The following DYNC2H1 variants were observed in gnomAD, a reference collection of about 807,000 sequenced individuals.
DYNC2H1 encodes cytoplasmic dynein 2 heavy chain 1.
DYNC2H1 carries 410 observed loss-of-function variants against 570.0 expected under a neutral mutation model. The observed-to-expected ratio is 0.72, with a 90% CI of 0.66 to 0.78. DYNC2H1 has a LOEUF of 0.78. DYNC2H1 is among the 30% of genes least tolerant of loss of function. The pLI is 0.00. For synonymous variants in DYNC2H1, 1,688 were observed against 1,677.6 expected, an observed-to-expected ratio of 1.01 and a Z score of -0.15; for missense variants, 4,865 against 5,046.4, an observed-to-expected ratio of 0.96 and a Z score of 1.09.
chr11:103,255,688 G>A (rs1319083209), intron 67 of DYNC2H1, among the ~76,000 whole-genome samples, 154 bp downstream of exon 67: 1 of 151,756 alleles, frequency 6.6e-6, no homozygotes, highest in East Asian at 1.9e-4. Context: ...ACAAGAAGGG[G>A]AGCTATGTTT....
Position 103,321,024 on chromosome 11 carries a change from T to C in DYNC2H1, c.11726-5T>C. 2.5e-6 allele frequency: 4 copies of C among 1,591,930 alleles called. No homozygotes were observed. Among genetic ancestry groups the C allele is most frequent in the Non-Finnish European group, 3.4e-6 (4 of 1,170,408 alleles). On this transcript the variant is annotated splice_region_variant and splice_polypyrimidine_tract_variant and intron_variant, in intron 80 of 88. Coordinates refer to ENST00000375735, the MANE Select transcript of DYNC2H1 (RefSeq NM_001377.3). ...AAATTAATGAGTGTTTTTTTAAAAT[T>C]ATAGGTGCCAAAGATGTACAATGGG...
intron 40 of DYNC2H1, among the ~76,000 whole-genome samples, chr11:103,182,413 G>A (rs902384857): frequency 2.0e-5 from 3 of 151,646 alleles, no homozygotes; most frequent in East Asian, 3.9e-4. Flanking sequence ...TAATGAAAAC[G>A]TGTTTATATT....
rs1021798663 is a variant in DYNC2H1 at position 103,465,665 on chromosome 11, A to G, written c.12649-2924A>G. ...AGGTCCATGCTGGCCTCATTCATAT[A>G]TATGGCAACTGGTGCTAGCTCAGTC... On this transcript the variant is annotated intron_variant, in intron 87 of 88. Transcript: ENST00000375735. The surrounding 1 kb of genome is among the most constrained non-coding windows in gnomAD (Gnocchi z 4.9). Among the ~76,000 whole-genome samples, 1 of 152,154 alleles carries G rather than the reference A, an allele frequency of 6.6e-6. No homozygotes were observed. Among genetic ancestry groups the G allele is most frequent in the Admixed American group, 6.5e-5 (1 of 15,276 alleles).
chr11:103,388,961 C>A (rs372196570), intron 83 of DYNC2H1, among the ~76,000 whole-genome samples: 1 of 152,064 alleles, frequency 6.6e-6, no homozygotes, highest in Non-Finnish European at 1.5e-5. Context: ...GTCTAAAATT[C>A]CCTTTTTTTG....
intron 75 of DYNC2H1, among the ~76,000 whole-genome samples, chr11:103,297,332 A>G (rs1002178548): frequency 6.6e-6 from 1 of 152,180 alleles, no homozygotes; most frequent in Non-Finnish European, 1.5e-5. Context: ...TTGTTTAACA[A>G]AAGTACAGTC....
At position 103,461,477 on chromosome 11, in the gene DYNC2H1, G is replaced by C. The variant is rs1354690346; in HGVS notation, c.12648+5121G>C. 6.6e-6 allele frequency among the ~76,000 whole-genome samples: 1 copy of C among 152,024 alleles called. No homozygotes were observed. Among genetic ancestry groups the C allele is most frequent in the Non-Finnish European group, 1.5e-5 (1 of 67,984 alleles). ...TCCTGCCATTATTGATCTATTATGTGTTAAATAGTACTTGAAAACTTGATA... is the reference window on the plus strand; with the variant it reads ...TCCTGCCATTATTGATCTATTATGTCTTAAATAGTACTTGAAAACTTGATA... On this transcript the variant is annotated intron_variant, in intron 87 of 88. Transcript: ENST00000375735. The surrounding 1 kb of genome is among the most constrained non-coding windows in gnomAD (Gnocchi z 4.8).
At chr11:103,216,295 AT>A (rs1863380582) in intron 55 of DYNC2H1, among the ~76,000 whole-genome samples, 1 of 152,056 alleles carries the variant, frequency 6.6e-6, no homozygotes, top group South Asian at 2.1e-4. Flanking sequence ...TTGATTATAC[AT>A]TTTTTGAGTG....
chr11:103,259,651 T>C (rs949901904), intron 69 of DYNC2H1, among the ~76,000 whole-genome samples: 1 of 152,176 alleles, frequency 6.6e-6, no homozygotes, highest in African/African-American at 2.4e-5. Context: ...TATTGTATTA[T>C]TGGGAATTGA....
chr11:103,412,025 G>A (rs1591709382), intron 84 of DYNC2H1, among the ~76,000 whole-genome samples: 1 of 152,126 alleles, frequency 6.6e-6, no homozygotes, highest in African/African-American at 2.4e-5. Context: ...AAATGCAAAT[G>A]AGACTAGTCT....
In DYNC2H1 at chr11:103,133,297, T is replaced by G. The variant is rs1283871034; in HGVS notation, c.1954-258T>G. Among the ~76,000 whole-genome samples the G allele has an allele frequency of 6.6e-6, 1 of 152,114 alleles. No homozygotes were observed. Among genetic ancestry groups the G allele is most frequent in the Non-Finnish European group, 1.5e-5 (1 of 68,010 alleles). Reference sequence around the variant, plus strand: ...CAGGTTTCTAGGCTGTCTGCCTTCTTCATTCTTCCTTTCCGTCACCTTATG... The same window carrying G: ...CAGGTTTCTAGGCTGTCTGCCTTCTGCATTCTTCCTTTCCGTCACCTTATG... On this transcript the variant is annotated intron_variant, in intron 13 of 88. Coordinates refer to ENST00000375735, the MANE Select transcript of DYNC2H1 (RefSeq NM_001377.3). The surrounding 1 kb of genome is among the most constrained non-coding windows in gnomAD (Gnocchi z 4.8).
At chr11:103,146,042 G>A (rs1478745579) in intron 18 of DYNC2H1, among the ~76,000 whole-genome samples, 3 of 152,070 alleles carry the variant, frequency 2.0e-5, no homozygotes, top group Non-Finnish European at 2.9e-5. Context: ...GAGTCTTTAC[G>A]TGTCAGGATT....
intron 85 of DYNC2H1, among the ~76,000 whole-genome samples, chr11:103,445,649 G>C (rs1458956818): frequency 1.3e-5 from 2 of 152,054 alleles, no homozygotes; most frequent in African/African-American, 4.8e-5. Context: ...TGATTTCAAA[G>C]TTTTGTTGTT....
Position 103,199,198 on chromosome 11 carries a change from A to G in DYNC2H1, c.7840-30A>G. The G allele has an allele frequency of 2.1e-6, 3 of 1,398,100 alleles. No homozygotes were observed. The highest frequency in any genetic ancestry group is 3.0e-5 in the South Asian group (2 of 66,038). The allele number at this position is 1,398,100 out of a possible 1,614,324, so 86.6% of individuals were successfully genotyped here. A position where few individuals can be genotyped will look rare whatever the true frequency, so the allele number is the denominator to read the frequency against. On this transcript the variant is annotated intron_variant, in intron 48 of 88. Transcript: ENST00000375735. This position sits in a 1 kb window ranked among gnomAD's most constrained non-coding sequence, Gnocchi z 4.6. ...TTATTATGTAATTAGGGCTTATATT[A>G]ATTATAAAATATTCTGATTTTTTTA...
In DYNC2H1 at chr11:103,119,675, A is replaced by C. The variant is rs191407378; in HGVS notation, c.1000-772A>C. Among the ~76,000 whole-genome samples the C allele has an allele frequency of 2.2e-3, 342 of 152,214 alleles. 1 individual carries two copies. The highest frequency in any genetic ancestry group is 7.8e-3 in the African/African-American group (325 of 41,554). On this transcript the variant is annotated intron_variant, in intron 6 of 88. Coordinates refer to ENST00000375735, the MANE Select transcript of DYNC2H1 (RefSeq NM_001377.3). ...TTTCTTTGATAGCTTTCAAGCCCCC[A>C]AAAATGTTCCAGCCCAGCCCATGTT...
chr11:103,399,784 C>G lies in DYNC2H1; in HGVS notation c.12278C>G (p.Ser4093Cys). ...CGTTTAGTACAAAGTGTCCACCAGT[C>G]TCTTGCTGCTCTCAGCAAAGTCATC... Reference protein sequence around the residue: ...AIRLVQSVHQSLAALSKVIRG... With the variant: ...AIRLVQSVHQCLAALSKVIRG... Residue 4093 changes from serine (S) to cysteine (C), a missense_variant, in exon 84 of 89, where the codon TCT (serine) becomes TGT (cysteine). Around this residue, in one of 5 missense-constraint regions of DYNC2H1, gnomAD observed 2,401 missense variants for 2,454.6 expected, o/e 0.98. Coordinates refer to ENST00000375735, the MANE Select transcript of DYNC2H1 (RefSeq NM_001377.3). 6.2e-7 allele frequency: 1 copy of G among 1,613,946 alleles called. No homozygotes were observed. The highest frequency in any genetic ancestry group is 8.5e-7 in the Non-Finnish European group (1 of 1,179,866).
intron 88 of DYNC2H1, among the ~76,000 whole-genome samples, chr11:103,476,931 C>T (rs149069529): frequency 3.6e-4 from 55 of 152,138 alleles, no homozygotes; most frequent in Non-Finnish European, 2.2e-4. Flanking sequence ...TTTTTCTAGT[C>T]GATTTGAGAA....
intron 88 of DYNC2H1, among the ~76,000 whole-genome samples, chr11:103,469,730 GGAGA>G (rs1445423310): frequency 1.3e-5 from 2 of 152,048 alleles, no homozygotes; most frequent in East Asian, 1.9e-4. Context: ...ATAAGATAAA[GGAGA>G]GAGAAGAGAC....
intron 72 of DYNC2H1, 120 bp from the exon 73 acceptor site, chr11:103,282,888 A>T (rs751303472): frequency 7.2e-6 from 5 of 693,870 alleles, no homozygotes; most frequent in Non-Finnish European, 1.2e-5. Context: ...ACATAAAAAT[A>T]TAAAGAAATA....
At chr11:103,473,214 T>G (rs1352517842) in intron 88 of DYNC2H1, among the ~76,000 whole-genome samples, 1 of 152,174 alleles carries the variant, frequency 6.6e-6, no homozygotes, top group Non-Finnish European at 1.5e-5. Flanking sequence ...TTTCTAGTAT[T>G]TCTGTTTACC....
Sources: gnomAD v4.1 joint callset for allele counts (sites outside exome capture counted in the v4.1 genomes callset) on GRCh38, gnomAD v4.1.1 for gene constraint, gnomAD v4.1.1 regional missense constraint, Gnocchi (gnomAD v3.1) non-coding constraint, MANE v1.5 for transcripts, NCBI Gene and HGNC (gene_info 2026-07-23, HGNC 2026-07-21) for gene names.